ADCY4: variants seen among roughly 807,000 people sequenced by gnomAD.
The protein encoded by ADCY4 is adenylate cyclase type 4.
In ADCY4, 111 loss-of-function variants were observed where a neutral mutation model predicts 125.5. The ratio of observed to expected loss-of-function variants is 0.88; its 90% CI spans 0.76 to 1.04. ADCY4 has a LOEUF of 1.04. Ranked by LOEUF, ADCY4 falls within the 50% of genes least tolerant of loss-of-function variation. ADCY4 has a pLI of 0.00. For missense variants in ADCY4, 1,256 were observed against 1,382.9 expected, an observed-to-expected ratio of 0.91 and a Z score of 1.46; for synonymous variants, 576 against 586.9, an observed-to-expected ratio of 0.98 and a Z score of 0.27.
chr14:24,334,609 A>G lies in ADCY4; in HGVS notation c.44T>C (p.Leu15Pro). ...FSPRPPPSED[L>P]FYETYYSLSQ... is the part of the protein sequence containing the mutation. ...CAGGCTGTAGTAGGTCTCGTAGAAG[A>G]GGTCTTCGCTGGGGGGCGGCCGGGG... Residue 15 changes from leucine to proline, a missense_variant, in exon 1 of 25, where the codon CTC becomes CCC. Leu to Pro is a moderately conservative substitution (Grantham distance 98). Coordinates refer to ENST00000418030, the MANE Select transcript of ADCY4 (RefSeq NM_001198568.2). The G allele has an allele frequency of 6.4e-7, 1 of 1,563,070 alleles. No individual in the cohort carries two copies.
rs771058378 is a variant in ADCY4, at chr14:24,323,338, A to T, written c.2157+6T>A. On this transcript the variant is annotated splice_donor_region_variant and intron_variant, in intron 17 of 24. Coordinates refer to ENST00000418030, the MANE Select transcript of ADCY4 (RefSeq NM_001198568.2). Reference sequence around the variant, plus strand: ...AAGGAGATTAAGGGCATGTGGGAACACTCACTGGGACACTGATGAGAGGCA... The same window carrying T: ...AAGGAGATTAAGGGCATGTGGGAACTCTCACTGGGACACTGATGAGAGGCA... 6.5e-7 allele frequency: 1 copy of T among 1,547,442 alleles called. No homozygotes were observed. The highest frequency in any genetic ancestry group is 1.2e-5 in the South Asian group (1 of 84,046).
chr14:24,329,303 G>A, intron 9 of ADCY4, 69 bp from the exon 10 acceptor site: 1 of 1,584,412 alleles, frequency 6.3e-7, no homozygotes, highest in South Asian at 1.2e-5. Context: ...CCCCCACTAG[G>A]ACCCAGGAAC....
intron 6 of ADCY4, 135 bp from the exon 7 acceptor site, chr14:24,330,430 A>G: frequency 8.1e-7 from 1 of 1,241,748 alleles, no homozygotes; most frequent in Non-Finnish European, 1.1e-6. Context: ...GATCAGATCT[A>G]GGGACTCCTT....
chr14:24,322,063 C>A lies in ADCY4; in HGVS notation c.2586+3G>T, dbSNP rs747907618. On this transcript the variant is annotated splice_donor_region_variant and intron_variant, in intron 20 of 24. Coordinates refer to ENST00000418030, the MANE Select transcript of ADCY4 (RefSeq NM_001198568.2). ...GCTCAGGAGTCAGGGGGTCAGGAGT[C>A]ACCTCGTTGCGCCGGTTCTGGCCAA... 1 of 1,609,104 alleles carries A rather than the reference C, an allele frequency of 6.2e-7. No homozygotes were observed. Among genetic ancestry groups the A allele is most frequent in the Non-Finnish European group, 8.5e-7 (1 of 1,176,314 alleles).
At chr14:24,331,725 G>C in intron 4 of ADCY4, 63 bp downstream of exon 4, 1 of 1,456,634 alleles carries the variant, frequency 6.9e-7, no homozygotes, top group Non-Finnish European at 9.1e-7. Context: ...GAGGAGCCCC[G>C]TTATGTAATC....
rs778139873 is a variant in ADCY4 at position 24,322,934 on chromosome 14, A to T, written c.2312T>A (p.Val771Asp). 2.0e-5 allele frequency: 32 copies of T among 1,609,828 alleles called. No individual in the cohort carries two copies. Among genetic ancestry groups the T allele is most frequent in the Middle Eastern group, 1.7e-4 (1 of 5,934 alleles). ...SHAWLSECLI[V>D]RLYLGPLDSR... Reference sequence around the variant, plus strand: ...GTCCAAGGGGCCCAGATAGAGGCGGACGATGAGGCATTCCGACAGCCAGGC... The same window carrying T: ...GTCCAAGGGGCCCAGATAGAGGCGGTCGATGAGGCATTCCGACAGCCAGGC... The change falls in exon 18 of 25, where the codon GTC (valine) becomes GAC (aspartate). Residue 771 changes from valine (V) to aspartate (D), a missense_variant. Physicochemically the swap from Val to Asp is radical, Grantham distance 152. Transcript: ENST00000418030.
Position 24,324,182 on chromosome 14 carries a change from G to C in ADCY4, c.1926C>G (p.Gly642=). ...SEDLMRCVLK[G]PKMLHWLPAL... is the part of the protein sequence containing the mutation. ...CAGGCAGCCAGTGCAGCATCTTGGG[G>C]CCTTTCAGGACACACCTCTGTGGAG... The change falls in exon 16 of 25, where the codon GGC becomes GGG. Residue 642 remains glycine, a synonymous_variant. Transcript: ENST00000418030. The C allele has an allele frequency of 6.2e-7, 1 of 1,614,242 alleles. No individual in the cohort carries two copies. The highest frequency in any genetic ancestry group is 1.7e-5 in the Admixed American group (1 of 60,028).
intron 10 of ADCY4, among the ~76,000 whole-genome samples, chr14:24,327,215 T>C (rs2041962605): frequency 6.6e-6 from 1 of 152,088 alleles, no homozygotes; most frequent in Non-Finnish European, 1.5e-5. Context: ...AATATTTGAC[T>C]GAGCCCCTGG....
At chr14:24,326,602 TGTGTG>T in intron 10 of ADCY4, 1 of 436,574 alleles carries the variant, frequency 2.3e-6, no homozygotes, top group Non-Finnish European at 4.2e-6. Context: ...TGTGTGTGTG[TGTGTG>T]TGTGTGTGAC....
Position 24,326,339 on chromosome 14 carries a change from TCTC to T in ADCY4, c.1525_1527del (p.Glu509del). On this transcript the variant is annotated inframe_deletion and splice_region_variant, in exon 11 of 25. Coordinates refer to ENST00000418030, the MANE Select transcript of ADCY4 (RefSeq NM_001198568.2). ...TGGGTGCTGAAGGAAGCCAGGGTCT[TCTC>T]CTGTTGGGAGAGCACAGGGGGAGGT... The T allele has an allele frequency of 4.3e-6, 7 of 1,613,378 alleles. 1 individual carries two copies. In the Middle Eastern group the frequency reaches 6.6e-4, roughly 152 times the overall value.
chr14:24,318,898 G>A lies in ADCY4; in HGVS notation c.2957-120C>T. The stretch of plus-strand genomic sequence containing the variant: ...CCTAGAGGAGAGGAGGGGTCTCTAA[G>A]GGCTGGAGGAATGTAGCTTAAGAAA... On this transcript the variant is annotated intron_variant, in intron 23 of 24. Coordinates refer to ENST00000418030, the MANE Select transcript of ADCY4 (RefSeq NM_001198568.2). 3.7e-5 allele frequency: 54 copies of A among 1,473,062 alleles called. 1 individual carries two copies. In the South Asian group the frequency reaches 6.1e-4, roughly 17 times the overall value. The allele number at this position is 1,473,062 out of a possible 1,614,324, so 91.2% of individuals were successfully genotyped here. A position where few individuals can be genotyped will look rare whatever the true frequency, so the allele number is the denominator to read the frequency against.
In ADCY4 at chr14:24,334,512, C is replaced by T. The variant is rs772583210; in HGVS notation, c.141G>A (p.Val47=). 1.7e-5 allele frequency: 27 copies of T among 1,581,668 alleles called. No homozygotes were observed. The highest frequency in any genetic ancestry group is 2.3e-5 in the South Asian group (2 of 87,886). Residue 47 remains valine (V), a synonymous_variant, in exon 1 of 25, where the codon GTG becomes GTA. Transcript: ENST00000418030. ...VLCALAALLA[V]AWASGRELTS... ...GGCTCACCCTGCCGCTGGCCCAGGC[C>T]ACTGCGAGCAGCGCCGCGAGCGCAC... is the stretch of plus-strand genomic sequence containing the variant.
At chr14:24,318,941 G>C (rs1055825995) in intron 23 of ADCY4, 157 bp downstream of exon 23, 1 of 1,380,252 alleles carries the variant, frequency 7.2e-7, no homozygotes, top group Non-Finnish European at 1.0e-6. Context: ...GGAGAGCCTC[G>C]TACCTCCTTG....
chr14:24,326,260 C>T (rs2041942357), intron 11 of ADCY4, 39 bp downstream of exon 11: 2 of 1,613,868 alleles, frequency 1.2e-6, no homozygotes, highest in African/African-American at 2.7e-5. Flanking sequence ...GGGGGTCATC[C>T]AGACAGCCCC....
rs556836198 is a variant in ADCY4 at position 24,331,817 on chromosome 14, G to T, written c.640C>A (p.Arg214=). The part of the protein sequence containing the change: ...REALSSLHSR[R]RLDTEKKHQE... Reference sequence around the variant, plus strand: ...TGCTTCTTCTCGGTGTCCAGCCGCCGGCGTGAGTGCAGGGAGCTGAGTGCC... The same window carrying T: ...TGCTTCTTCTCGGTGTCCAGCCGCCTGCGTGAGTGCAGGGAGCTGAGTGCC... The change falls in exon 4 of 25, where the codon CGG becomes AGG. Residue 214 remains arginine (R), a synonymous_variant. Transcript: ENST00000418030. 2.5e-6 allele frequency: 4 copies of T among 1,593,434 alleles called. No individual in the cohort carries two copies. Among genetic ancestry groups the T allele is most frequent in the Non-Finnish European group, 3.4e-6 (4 of 1,165,638 alleles).
Position 24,319,638 on chromosome 14 carries a change from G to A in ADCY4, c.2733+104C>T. Reference sequence around the variant, plus strand: ...AGAGGAGGTGAGGGAGTACTGTGGAGGGGAGGATTGACTTCATGGCCAGAA... The same window carrying A: ...AGAGGAGGTGAGGGAGTACTGTGGAAGGGAGGATTGACTTCATGGCCAGAA... On this transcript the variant is annotated intron_variant, in intron 21 of 24. Coordinates refer to ENST00000418030, the MANE Select transcript of ADCY4 (RefSeq NM_001198568.2). This position sits in a 1 kb window ranked among gnomAD's most constrained non-coding sequence, Gnocchi z 4.5. 1.4e-6 allele frequency: 2 copies of A among 1,449,684 alleles called. No homozygotes were observed. The highest frequency in any genetic ancestry group is 1.9e-6 in the Non-Finnish European group (2 of 1,043,064). 89.8% of individuals were successfully genotyped at this position (1,449,684 alleles called of 1,614,324 possible). A position where few individuals can be genotyped will look rare whatever the true frequency, so the allele number is the denominator to read the frequency against.
At position 24,331,956 on chromosome 14, in the gene ADCY4, C is replaced by T. The variant is rs1194965302; in HGVS notation, c.520-19G>A. 2.6e-6 allele frequency: 4 copies of T among 1,540,432 alleles called. No individual in the cohort carries two copies. In the Admixed American group the frequency reaches 7.8e-5, roughly 30 times the overall value. Reference sequence around the variant, plus strand: ...CTGCCAACTGTGGGTGAAGGCCAGCCTCAGAGGGCGCGGGACCCGGGTGCT... The same window carrying T: ...CTGCCAACTGTGGGTGAAGGCCAGCTTCAGAGGGCGCGGGACCCGGGTGCT... On this transcript the variant is annotated intron_variant, in intron 3 of 24. Coordinates refer to ENST00000418030, the MANE Select transcript of ADCY4 (RefSeq NM_001198568.2).
chr14:24,330,771 T>C (rs1433143257), intron 6 of ADCY4: 5 of 496,256 alleles, frequency 1.0e-5, no homozygotes, highest in Non-Finnish European at 1.8e-5. Context: ...GCTCTGAGCA[T>C]GTTTGGGGCA....
chr14:24,328,916 T>TTCG, intron 10 of ADCY4, 145 bp downstream of exon 10: 3 of 1,047,992 alleles, frequency 2.9e-6, no homozygotes, highest in Non-Finnish European at 4.2e-6. Context: ...GTGACTGGGG[T>TTCG]GACAAGACAG....
Sources: allele counts gnomAD v4.1 joint callset (sites outside exome capture counted in the v4.1 genomes callset), GRCh38; gene constraint gnomAD v4.1.1; non-coding constraint Gnocchi (gnomAD v3.1); transcripts MANE v1.5; gene names NCBI Gene and HGNC (gene_info 2026-07-23, HGNC 2026-07-21).